The following CAPN8 variants were observed in gnomAD, a reference collection of about 807,000 sequenced individuals.
The protein encoded by CAPN8 is calpain-8.
CAPN8 carries 87 observed loss-of-function variants against 80.9 expected under a neutral mutation model. The ratio of observed to expected loss-of-function variants is 1.07; its 90% CI spans 0.90 to 1.28. The LOEUF (loss-of-function observed/expected upper bound fraction) is 1.28. Among genes scored for constraint, CAPN8 ranks in the 50% most tolerant of loss-of-function variants. The probability of loss-of-function intolerance (pLI) is 0.00; values close to 1 mark genes in which losing one functional copy is unlikely to be tolerated. For synonymous variants in CAPN8, 299 were observed against 273.8 expected, an observed-to-expected ratio of 1.09 and a Z score of -0.91; for missense variants, 757 against 702.0, an observed-to-expected ratio of 1.08 and a Z score of -0.89.
chr1:223,617,439 C>A (rs1470780545), intron 9 of CAPN8: 1 of 152,138 alleles, frequency 6.6e-6, no homozygotes, highest in Non-Finnish European at 1.5e-5. Flanking sequence ...ATACTTCCAT[C>A]ACTACCAAAG....
intron 2 of CAPN8, among the ~76,000 whole-genome samples, chr1:223,650,912 G>A (rs905601206): frequency 7.2e-5 from 11 of 152,162 alleles, no homozygotes; most frequent in African/African-American, 2.7e-4. Flanking sequence ...GACGTGCATA[G>A]GCCAAAATGC....
intron 1 of CAPN8, among the ~76,000 whole-genome samples, chr1:223,664,169 C>T (rs1298620304): frequency 2.0e-5 from 3 of 152,182 alleles, no homozygotes; most frequent in Non-Finnish European, 4.4e-5. Flanking sequence ...CCATCCCTTG[C>T]CCTTGAGCTT....
chr1:223,647,562 T>C (rs1658224508), intron 2 of CAPN8, among the ~76,000 whole-genome samples: 1 of 152,092 alleles, frequency 6.6e-6, no homozygotes, highest in African/African-American at 2.4e-5. Context: ...TTGAAGTTCC[T>C]AAAACCCTCT....
rs536587066 is a variant in CAPN8 at position 223,619,328 on chromosome 1, C to T, written c.1100G>A (p.Arg367Gln). 114 of 1,551,702 alleles carry T rather than the reference C, an allele frequency of 7.3e-5. 1 individual carries two copies. The highest frequency in any genetic ancestry group is 6.1e-4 in the South Asian group (51 of 84,060). Residue 367 changes from arginine (R) to glutamine (Q), a missense_variant, in exon 9 of 21, where the codon CGG becomes CAG. Arg to Gln is a conservative substitution (Grantham distance 43, BLOSUM62 1). Coordinates refer to ENST00000366872, the MANE Select transcript of CAPN8 (RefSeq NM_001143962.2). ...CTGGCAGCCCCCAGCTGTGGAGCCCCGGGTCCAGTGGCCGTTGAACAGGAC... is the reference window on the plus strand; with the variant it reads ...CTGGCAGCCCCCAGCTGTGGAGCCCTGGGTCCAGTGGCCGTTGAACAGGAC... ...NLVLFNGHWT[R>Q]GSTAGGCQNY...
chr1:223,622,485 G>T, intron 7 of CAPN8: 1 of 322,056 alleles, frequency 3.1e-6, no homozygotes, highest in Non-Finnish European at 5.8e-6. Context: ...GAAAGAAACA[G>T]ACTGTGAGTG....
intron 1 of CAPN8, among the ~76,000 whole-genome samples, chr1:223,659,898 C>G (rs186694929): frequency 5.3e-5 from 8 of 152,316 alleles, no homozygotes; most frequent in Admixed American, 2.6e-4. Context: ...AGCTCATGCT[C>G]TTAACCACTC....
intron 2 of CAPN8, among the ~76,000 whole-genome samples, chr1:223,639,011 G>A (rs187323334): frequency 5.9e-5 from 9 of 152,304 alleles, no homozygotes; most frequent in Non-Finnish European, 1.2e-4. Context: ...AGGCCAAGGT[G>A]GGTGGATCAC....
At chr1:223,555,793 T>C (rs1295152158) in intron 13 of CAPN8, among the ~76,000 whole-genome samples, 1 of 152,196 alleles carries the variant, frequency 6.6e-6, no homozygotes, top group Non-Finnish European at 1.5e-5. Context: ...ACATTGGGAA[T>C]GAGGAAAACG....
chr1:223,614,143 A>T (rs1191674319), intron 10 of CAPN8, among the ~76,000 whole-genome samples: 1 of 152,160 alleles, frequency 6.6e-6, no homozygotes, highest in Non-Finnish European at 1.5e-5. Context: ...TCACGCCTTT[A>T]ATGCCCGCAC....
intron 2 of CAPN8, among the ~76,000 whole-genome samples, chr1:223,650,043 C>T (rs1391561597): frequency 6.6e-6 from 1 of 152,132 alleles, no homozygotes; most frequent in African/African-American, 2.4e-5. Flanking sequence ...CAGAGGTGCA[C>T]CAAGAAGACT....
chr1:223,615,863 A>G (rs1345132365), intron 10 of CAPN8, 107 bp downstream of exon 10: 11 of 1,395,446 alleles, frequency 7.9e-6, no homozygotes, highest in Non-Finnish European at 8.9e-6. Flanking sequence ...ACGCTTCTCG[A>G]TTAGGAATAC....
chr1:223,657,377 A>T (rs945569074), intron 1 of CAPN8, among the ~76,000 whole-genome samples: 26 of 151,550 alleles, frequency 1.7e-4, no homozygotes, highest in Non-Finnish European at 8.9e-5. Flanking sequence ...TGTTGTTTTT[A>T]AAAAAAGAAG....
At chr1:223,644,837 G>A (rs1169971309) in intron 2 of CAPN8, among the ~76,000 whole-genome samples, 1 of 152,160 alleles carries the variant, frequency 6.6e-6, no homozygotes, top group African/African-American at 2.4e-5. Context: ...TGTGGCCTCT[G>A]TAGGCATCAG....
intron 1 of CAPN8, among the ~76,000 whole-genome samples, chr1:223,656,684 T>TTTG (rs1558358261): frequency 1.1e-4 from 14 of 128,198 alleles, no homozygotes; most frequent in East Asian, 1.0e-3. Flanking sequence ...TTGTTTTGTT[T>TTTG]TTTTTTTTTT....
At chr1:223,620,757 C>T (rs535957225) in intron 7 of CAPN8, among the ~76,000 whole-genome samples, 1 of 152,178 alleles carries the variant, frequency 6.6e-6, no homozygotes, top group African/African-American at 2.4e-5. Flanking sequence ...CACTTCCTTA[C>T]ACCCACGAGA....
At chr1:223,546,024 G>A (rs758752006) in intron 16 of CAPN8, among the ~76,000 whole-genome samples, 15 of 139,440 alleles carry the variant, frequency 1.1e-4, no homozygotes, top group South Asian at 2.3e-4. Flanking sequence ...AGTAGAGATG[G>A]TTTCACCATG....
intron 2 of CAPN8, among the ~76,000 whole-genome samples, chr1:223,649,439 G>T (rs766493424): frequency 6.6e-6 from 1 of 152,164 alleles, no homozygotes; most frequent in Non-Finnish European, 1.5e-5. Context: ...CACCAGCAGG[G>T]GCTAGGGACA....
chr1:223,657,454 T>C (rs149889276), intron 1 of CAPN8, among the ~76,000 whole-genome samples: 1 of 152,236 alleles, frequency 6.6e-6, no homozygotes, highest in African/African-American at 2.4e-5. Context: ...AAGAATCTCT[T>C]TTCTTAAAAA....
chr1:223,554,016 A>AG, intron 13 of CAPN8, 116 bp from the exon 14 acceptor site: 1 of 395,236 alleles, frequency 2.5e-6, no homozygotes, highest in Non-Finnish European at 4.5e-6. Flanking sequence ...ACTATGTGCC[A>AG]GGCTTTGGGC....
Sources: allele counts gnomAD v4.1 joint callset (sites outside exome capture counted in the v4.1 genomes callset), GRCh38; gene constraint gnomAD v4.1.1; transcripts MANE v1.5; gene names NCBI Gene and HGNC (gene_info 2026-07-23, HGNC 2026-07-21).